SPMIP2: variants seen among roughly 807,000 people sequenced by gnomAD.
The protein encoded by SPMIP2 is sperm microtubule inner protein 2, also known as protein SPMIP2.
the SPMIP2 span, among the ~76,000 whole-genome samples, chr4:159,000,508 T>TG: frequency 9.1e-4 from 138 of 151,204 alleles, no homozygotes; most frequent in Middle Eastern, 3.4e-3. Flanking sequence ...TTTTTTTTTT[T>TG]TTTTGAGAGG....
At chr4:158,994,894 T>C in the SPMIP2 span, among the ~76,000 whole-genome samples, 1 of 152,218 alleles carries the variant, frequency 6.6e-6, no homozygotes, top group East Asian at 1.9e-4. Flanking sequence ...CAGAATGAAC[T>C]CATGGCCCGG....
the SPMIP2 span, among the ~76,000 whole-genome samples, chr4:159,044,579 A>G: frequency 6.6e-6 from 1 of 152,046 alleles, no homozygotes; most frequent in Non-Finnish European, 1.5e-5. Context: ...AACTGGGGGA[A>G]AAACAGCAAG....
At chr4:158,894,170 C>CT in the SPMIP2 span, among the ~76,000 whole-genome samples, 6,467 of 127,412 alleles carry the variant, frequency 0.051, 373 homozygotes, top group African/African-American at 0.14. Flanking sequence ...AAAATGTTTT[C>CT]TTTTTTTTTT....
the SPMIP2 span, among the ~76,000 whole-genome samples, chr4:159,048,502 A>G: frequency 2.6e-5 from 4 of 152,232 alleles, no homozygotes; most frequent in Non-Finnish European, 4.4e-5. Context: ...CAGCCTTTCC[A>G]TAGGCATTTC....
chr4:158,898,450 T>A, the SPMIP2 span, among the ~76,000 whole-genome samples: 1 of 152,226 alleles, frequency 6.6e-6, no homozygotes, highest in Non-Finnish European at 1.5e-5. Flanking sequence ...TTTCACAATA[T>A]TGATTCTTCC....
At chr4:159,009,315 C>T in the SPMIP2 span, among the ~76,000 whole-genome samples, 1 of 152,146 alleles carries the variant, frequency 6.6e-6, no homozygotes, top group Non-Finnish European at 1.5e-5. Context: ...TCTCAGGGCC[C>T]ACCTTATATC....
At chr4:158,991,989 T>A in the SPMIP2 span, among the ~76,000 whole-genome samples, 1 of 152,198 alleles carries the variant, frequency 6.6e-6, no homozygotes, top group African/African-American at 2.4e-5. Context: ...CCACCTGGGC[T>A]CCAGGGATCC....
chr4:158,922,366 A>G, the SPMIP2 span, among the ~76,000 whole-genome samples: 2 of 152,060 alleles, frequency 1.3e-5, no homozygotes, highest in African/African-American at 4.8e-5. Flanking sequence ...CAGTCCCCCA[A>G]CTTGCCACTC....
At chr4:158,913,968 G>A in the SPMIP2 span, among the ~76,000 whole-genome samples, 1 of 152,160 alleles carries the variant, frequency 6.6e-6, no homozygotes. Flanking sequence ...AACAGATGGG[G>A]CTGGGGAAAG....
chr4:158,991,530 T>G, the SPMIP2 span, among the ~76,000 whole-genome samples: 1 of 152,304 alleles, frequency 6.6e-6, no homozygotes, highest in East Asian at 1.9e-4. Context: ...TGAGGGTTTT[T>G]CAGAAACAAT....
chr4:159,030,186 G>C, the SPMIP2 span, among the ~76,000 whole-genome samples: 1 of 152,294 alleles, frequency 6.6e-6, no homozygotes, highest in Non-Finnish European at 1.5e-5. Flanking sequence ...GCCGAAGTGG[G>C]CAGATCTCTT....
the SPMIP2 span, among the ~76,000 whole-genome samples, chr4:158,946,668 T>C: frequency 6.6e-6 from 1 of 152,160 alleles, no homozygotes; most frequent in Non-Finnish European, 1.5e-5. Flanking sequence ...CCATCTCAGG[T>C]CATTCTTTAT....
chr4:159,080,731 ATTTGTTTG>A, the SPMIP2 span, among the ~76,000 whole-genome samples: 54 of 151,028 alleles, frequency 3.6e-4, no homozygotes, highest in Admixed American at 2.2e-3. Flanking sequence ...GTGAAGTGTA[ATTTGTTTG>A]TTTGTTTGTT....
the SPMIP2 span, among the ~76,000 whole-genome samples, chr4:158,926,154 A>T: frequency 7.2e-5 from 11 of 152,288 alleles, no homozygotes; most frequent in Non-Finnish European, 4.4e-5. Context: ...ATCAACTTTT[A>T]AAAAAATTTT....
chr4:158,998,903 GC>G, the SPMIP2 span, among the ~76,000 whole-genome samples: 3 of 152,086 alleles, frequency 2.0e-5, no homozygotes, highest in African/African-American at 7.2e-5. Flanking sequence ...AGGCGTGGTG[GC>G]TCATGACTAC....
chr4:158,990,834 C>T, the SPMIP2 span, among the ~76,000 whole-genome samples: 15 of 151,910 alleles, frequency 9.9e-5, no homozygotes, highest in Non-Finnish European at 1.9e-4. Context: ...TGTAAGCAAA[C>T]CTGCACATTC....
the SPMIP2 span, among the ~76,000 whole-genome samples, chr4:158,999,007 T>G: frequency 6.6e-6 from 1 of 152,002 alleles, no homozygotes; most frequent in Admixed American, 6.6e-5. Context: ...AAAAAAAATT[T>G]TTTTTAATTA....
chr4:158,914,070 A>G, the SPMIP2 span, among the ~76,000 whole-genome samples: 2 of 152,288 alleles, frequency 1.3e-5, no homozygotes, highest in African/African-American at 4.8e-5. Flanking sequence ...TTAATGCAAA[A>G]AATATTTCAA....
the SPMIP2 span, among the ~76,000 whole-genome samples, chr4:158,967,071 G>T: frequency 6.6e-6 from 1 of 152,090 alleles, no homozygotes; most frequent in Non-Finnish European, 1.5e-5. Context: ...AGTGATACAC[G>T]CCTCCCTTGA....
Sources: allele counts gnomAD v4.1 joint callset (sites outside exome capture counted in the v4.1 genomes callset), GRCh38; gene constraint gnomAD v4.1.1; transcripts MANE v1.5; gene names NCBI Gene and HGNC (gene_info 2026-07-23, HGNC 2026-07-21).